The following AMPD3 variants were observed in gnomAD, a reference collection of about 807,000 sequenced individuals.
AMPD3 encodes the protein adenosine monophosphate deaminase 3.
A neutral mutation model predicts 82.3 loss-of-function variants in AMPD3; 57 were observed. That is an observed-to-expected ratio of 0.69 (90% CI 0.56 to 0.86). AMPD3 has a LOEUF of 0.86. AMPD3 is among the 40% of genes least tolerant of loss of function. The pLI is 0.00. For synonymous variants in AMPD3, 381 were observed against 394.7 expected, an observed-to-expected ratio of 0.97 and a Z score of 0.41; for missense variants, 870 against 1,003.8, an observed-to-expected ratio of 0.87 and a Z score of 1.80.
At chr11:10,471,784 AAGTC>A (rs1443689476) in intron 2 of AMPD3, among the ~76,000 whole-genome samples, 1 of 152,260 alleles carries the variant, frequency 6.6e-6, no homozygotes, top group East Asian at 1.9e-4. Context: ...GATCATTAAA[AAGTC>A]AGGAAACAAC....
chr11:10,505,922 A>G lies in AMPD3; in HGVS notation c.*38A>G. The G allele has an allele frequency of 3.1e-6, 5 of 1,611,468 alleles. No individual in the cohort carries two copies. Among genetic ancestry groups the G allele is most frequent in the Non-Finnish European group, 1.7e-6 (2 of 1,178,438 alleles). On this transcript the variant is annotated 3_prime_UTR_variant, in exon 15 of 15. Transcript: ENST00000396553. ...ACATGCATTTTAACTTTTTGGTTCA[A>G]TTTCAAGTCTGCTGTGGCTAATAGT...
At chr11:10,451,160 C>T (rs964394405), upstream of AMPD3, 2 of 1,499,474 alleles carry the variant, frequency 1.3e-6, no homozygotes, top group Non-Finnish European at 1.8e-6. Context: ...TCCCTGCTCG[C>T]AGAGGCGGTG....
intron 6 of AMPD3, among the ~76,000 whole-genome samples, chr11:10,491,611 G>A (rs1849242467): frequency 6.6e-6 from 1 of 152,222 alleles, no homozygotes; most frequent in Admixed American, 6.5e-5. Context: ...AGTGAGGTTG[G>A]AGAATATTGT....
upstream of AMPD3, chr11:10,455,215 G>C (rs899012): frequency 1 from 984,447 of 985,478 alleles, 491,719 homozygotes; most frequent in Middle Eastern, 1. Flanking sequence ...CAGGACCACA[G>C]GATTTGCCTA....
In AMPD3 at chr11:10,484,970, C is replaced by T; in HGVS notation, c.740C>T (p.Pro247Leu). The T allele has an allele frequency of 1.2e-6, 2 of 1,604,904 alleles. No homozygotes were observed. Among genetic ancestry groups the T allele is most frequent in the Non-Finnish European group, 1.7e-6 (2 of 1,176,150 alleles). Reference sequence around the variant, plus strand: ...GAGCACCAGGAGCCGCACAGCCTACCCTACCCCGACCTGGAGACCTACACG... The same window carrying T: ...GAGCACCAGGAGCCGCACAGCCTACTCTACCCCGACCTGGAGACCTACACG... ...MLEHQEPHSL[P>L]YPDLETYTVD... The change falls in exon 5 of 15, where the codon CCC (proline) becomes CTC (leucine). Residue 247 changes from proline to leucine, a missense_variant. By Grantham distance (98) the Pro-to-Leu change is moderately conservative. Transcript: ENST00000396553.
rs1366702229 is a variant in AMPD3 at position 10,466,435 on chromosome 11, C to A, written c.221+4695C>A. Among the ~76,000 whole-genome samples the A allele has an allele frequency of 2.0e-5, 3 of 152,138 alleles. No individual in the cohort carries two copies. The East Asian group carries it at 5.8e-4, about 29-fold the overall frequency. ...AAACAAAGCCACCAGGAAGTTCAAACTAGGTGGAACCCACCGCAGCTCAGC... is the reference window on the plus strand; with the variant it reads ...AAACAAAGCCACCAGGAAGTTCAAAATAGGTGGAACCCACCGCAGCTCAGC... On this transcript the variant is annotated intron_variant, in intron 2 of 14. Coordinates refer to ENST00000396553, the MANE Select transcript of AMPD3 (RefSeq NM_001025389.2).
rs1438569827 is a variant in AMPD3, at chr11:10,502,772, T to A, written c.1894T>A (p.Ser632Thr). 2 of 1,614,184 alleles carry A rather than the reference T, an allele frequency of 1.2e-6. No individual in the cohort carries two copies. Among genetic ancestry groups the A allele is most frequent in the Non-Finnish European group, 1.7e-6 (2 of 1,180,004 alleles). The part of the protein sequence containing the change: ...YYLAQIPIAM[S>T]PLSNNSLFLE... ...CCTTGCTCAGATCCCCATTGCCATG[T>A]CTCCTCTTAGCAACAACAGTTTGTT... Residue 632 changes from serine to threonine, a missense_variant, in exon 13 of 15, where the codon TCT (serine) becomes ACT (threonine). Ser to Thr is a moderately conservative substitution (Grantham distance 58). Transcript: ENST00000396553.
At chr11:10,501,437 G>A in intron 11 of AMPD3, 33 bp from the exon 12 acceptor site, 2 of 1,610,516 alleles carry the variant, frequency 1.2e-6, no homozygotes, top group Non-Finnish European at 1.7e-6. Context: ...ACTGGGGGGG[G>A]CCTTCCTGAT....
At chr11:10,450,661 C>T (rs532117907), upstream of AMPD3, 8 of 1,019,844 alleles carry the variant, frequency 7.8e-6, no homozygotes, top group African/African-American at 1.4e-4. Context: ...GGCCAAGGGC[C>T]CTGGCGGCCG....
rs765809522 is a variant in AMPD3 at position 10,501,484 on chromosome 11, G to A, written c.1736G>A (p.Ser579Asn). Residue 579 changes from serine to asparagine, a missense_variant, in exon 12 of 15, where the codon AGC becomes AAC. Coordinates refer to ENST00000396553, the MANE Select transcript of AMPD3 (RefSeq NM_001025389.2). Reference protein sequence around the residue: ...LNNLRRERGLSTFLFRPHCGE... With the variant: ...LNNLRRERGLNTFLFRPHCGE... ...TTCTCTTACAGGGAGCGCGGCCTGAGCACGTTCCTGTTCCGGCCGCACTGT... is the reference window on the plus strand; with the variant it reads ...TTCTCTTACAGGGAGCGCGGCCTGAACACGTTCCTGTTCCGGCCGCACTGT... The A allele has an allele frequency of 6.2e-7, 1 of 1,614,112 alleles. No individual in the cohort carries two copies. The highest frequency in any genetic ancestry group is 1.6e-4 in the Middle Eastern group (1 of 6,062).
upstream of AMPD3, among the ~76,000 whole-genome samples, chr11:10,451,964 G>A (rs2133798922): frequency 6.6e-6 from 1 of 152,324 alleles, no homozygotes; most frequent in South Asian, 2.1e-4. Flanking sequence ...CAGGTCTGGG[G>A]TAGTTGGCCT....
Position 10,456,098 on chromosome 11 carries a change from A to C in AMPD3, c.-6+650A>C. ...GCTGTGAAGAGGGCCAGGACACTGCATTCAGGATACCACAGCCATTTTGTT... is the reference window on the plus strand; with the variant it reads ...GCTGTGAAGAGGGCCAGGACACTGCCTTCAGGATACCACAGCCATTTTGTT... On this transcript the variant is annotated intron_variant, in intron 1 of 14. Transcript: ENST00000396553. The surrounding 1 kb of genome is among the most constrained non-coding windows in gnomAD (Gnocchi z 4.3). 7.8e-7 allele frequency: 1 copy of C among 1,275,720 alleles called. No individual in the cohort carries two copies. Among genetic ancestry groups the C allele is most frequent in the Admixed American group, 3.5e-5 (1 of 28,278 alleles). The allele number at this position is 1,275,720 out of a possible 1,614,324, so 79.0% of individuals were successfully genotyped here.
intron 10 of AMPD3, 98 bp from the exon 11 acceptor site, chr11:10,499,988 G>A: frequency 3.8e-6 from 6 of 1,568,796 alleles, no homozygotes; most frequent in Non-Finnish European, 5.2e-6. Flanking sequence ...GAGGGGCCCA[G>A]ACCCACAGGC....
intron 1 of AMPD3, among the ~76,000 whole-genome samples, chr11:10,459,332 C>G (rs757958126): frequency 6.6e-6 from 1 of 152,180 alleles, no homozygotes; most frequent in Non-Finnish European, 1.5e-5. Flanking sequence ...CCACATGCCA[C>G]TCAGACTCAG....
At chr11:10,502,194 G>A in intron 12 of AMPD3, 1 of 985,442 alleles carries the variant, frequency 1.0e-6, no homozygotes, top group Non-Finnish European at 1.2e-6. Context: ...TCCCGGTGAG[G>A]TGTAACCATG....
intron 11 of AMPD3, chr11:10,500,759 C>T (rs1849556192): frequency 1.0e-6 from 1 of 985,454 alleles, no homozygotes; most frequent in African/African-American, 1.7e-5. Flanking sequence ...AGACTAAATC[C>T]ATGCATGCCC....
chr11:10,484,096 C>A (rs1391181689), intron 4 of AMPD3: 4 of 218,726 alleles, frequency 1.8e-5, no homozygotes, highest in Non-Finnish European at 3.1e-5. Context: ...CTATTGCAAC[C>A]CTCACAGCAG....
intron 2 of AMPD3, among the ~76,000 whole-genome samples, chr11:10,475,195 C>A (rs1218651724): frequency 6.6e-6 from 1 of 152,082 alleles, no homozygotes; most frequent in African/African-American, 2.4e-5. Flanking sequence ...GGAGCAGGAG[C>A]AAGAGGCAGC....
intron 12 of AMPD3, 22 bp from the exon 13 acceptor site, chr11:10,502,699 G>A (rs1321012277): frequency 6.2e-7 from 1 of 1,613,640 alleles, no homozygotes; most frequent in Non-Finnish European, 8.5e-7. Flanking sequence ...CTTGTCACAT[G>A]AGTTCGGTGG....
Sources: allele counts gnomAD v4.1 joint callset (sites outside exome capture counted in the v4.1 genomes callset), GRCh38; gene constraint gnomAD v4.1.1; non-coding constraint Gnocchi (gnomAD v3.1); transcripts MANE v1.5; gene names NCBI Gene and HGNC (gene_info 2026-07-23, HGNC 2026-07-21).